The following TROAP variants were observed in gnomAD, a reference collection of about 807,000 sequenced individuals.
TROAP encodes the protein trophinin associated protein, also known as tastin.
In TROAP, 62 loss-of-function variants were observed where a neutral mutation model predicts 83.4. That is an observed-to-expected ratio of 0.74 (90% CI 0.61 to 0.92). TROAP has a LOEUF of 0.92. Among genes scored for constraint, TROAP ranks in the 40% least tolerant of loss-of-function variants. TROAP has a pLI of 0.00. For missense variants in TROAP, 876 were observed against 985.1 expected, an observed-to-expected ratio of 0.89 and a Z score of 1.48; for synonymous variants, 352 against 386.4, an observed-to-expected ratio of 0.91 and a Z score of 1.04.
At chr12:49,323,821 T>A (rs1442970941) in intron 2 of TROAP, 24 bp from the exon 3 acceptor site, 2 of 1,613,838 alleles carry the variant, frequency 1.2e-6, no homozygotes, top group Non-Finnish European at 8.5e-7. Context: ...AACCTCACCT[T>A]TTTGTCCCCG....
rs1267922246 is a variant in TROAP, at chr12:49,329,528, G to A, written c.1164+74G>A. On this transcript the variant is annotated intron_variant, in intron 11 of 14. Coordinates refer to ENST00000257909, the MANE Select transcript of TROAP (RefSeq NM_005480.4). The surrounding 1 kb of genome is among the most constrained non-coding windows in gnomAD (Gnocchi z 4.5). ...CAGCCTGGAGGCCCAGGAGTTTGAG[G>A]CACACGTGCTTTCTGGGCCAGGCAT... The A allele has an allele frequency of 6.6e-7, 1 of 1,508,890 alleles. No individual in the cohort carries two copies. Among genetic ancestry groups the A allele is most frequent in the Non-Finnish European group, 8.9e-7 (1 of 1,118,088 alleles). The allele number at this position is 1,508,890 out of a possible 1,614,324, so 93.5% of individuals were successfully genotyped here.
Position 49,325,626 on chromosome 12 carries a change from G to T in TROAP, c.463G>T (p.Gly155Ter). The T allele has an allele frequency of 6.2e-7, 1 of 1,613,730 alleles. No individual in the cohort carries two copies. The highest frequency in any genetic ancestry group is 8.5e-7 in the Non-Finnish European group (1 of 1,180,010). Residue 155 changes from glycine to a stop codon, truncating the protein, a stop_gained, in exon 4 of 15, where the codon GGA becomes TGA. Coordinates refer to ENST00000257909, the MANE Select transcript of TROAP (RefSeq NM_005480.4). LOFTEE classifies it high-confidence loss of function. ...TCTGGCTAAAAGAGTACTGGTTCGA[G>T]GAAGTCAGGGAGGCACCACCCAGAG... ...PSLAKRVLVR[G>*]SQGGTTQRVQ...
chr12:49,329,833 G>T lies in TROAP; in HGVS notation c.1165-24G>T, dbSNP rs1371329484. On this transcript the variant is annotated intron_variant, in intron 11 of 14. Transcript: ENST00000257909. The surrounding 1 kb of genome is among the most constrained non-coding windows in gnomAD (Gnocchi z 4.5). Reference sequence around the variant, plus strand: ...TCTCCTGCCCCAGCCTGGCTTGCTTGTGTGCCTTGTTCCTTGGTGACAGGA... The same window carrying T: ...TCTCCTGCCCCAGCCTGGCTTGCTTTTGTGCCTTGTTCCTTGGTGACAGGA... 6.2e-7 allele frequency: 1 copy of T among 1,611,772 alleles called. No homozygotes were observed. Among genetic ancestry groups the T allele is most frequent in the South Asian group, 1.1e-5 (1 of 90,820 alleles).
Position 49,323,951 on chromosome 12 carries a change from G to C in TROAP, c.251G>C (p.Gly84Ala). ...GCAGAGACATCACAAAGATTGGTGG[G>C]GATCAGTCAGCCTCGGAACCCCTTG... ...HQAETSQRLVGISQPRNPLEE... is the reference protein window; with the variant it reads ...HQAETSQRLVAISQPRNPLEE... The change falls in exon 3 of 15, where the codon GGG becomes GCG. Residue 84 changes from glycine (G) to alanine (A), a missense_variant. By Grantham distance (60) the Gly-to-Ala change is moderately conservative. Transcript: ENST00000257909. 1 of 1,614,170 alleles carries C rather than the reference G, an allele frequency of 6.2e-7. No homozygotes were observed.
At position 49,325,871 on chromosome 12, in the gene TROAP, G is replaced by T; in HGVS notation, c.620G>T (p.Arg207Met). Residue 207 changes from arginine (R) to methionine (M), a missense_variant, in exon 5 of 15, where the codon AGG (arginine) becomes ATG (methionine). Transcript: ENST00000257909. ...GPRGRTLCPQ[R>M]LQALISPSGP... Reference sequence around the variant, plus strand: ...CGAGGCCGGACATTGTGCCCCCAGAGGCTACAGGCTCTGGTGAGTGCCCTT... The same window carrying T: ...CGAGGCCGGACATTGTGCCCCCAGATGCTACAGGCTCTGGTGAGTGCCCTT... The T allele has an allele frequency of 6.2e-7, 1 of 1,613,356 alleles. No homozygotes were observed. The highest frequency in any genetic ancestry group is 1.1e-5 in the South Asian group (1 of 91,032).
Position 49,330,893 on chromosome 12 carries a change from G to T in TROAP, c.2048G>T (p.Ser683Ile). Reference sequence around the variant, plus strand: ...TCTTCCCAACACCCGCTTTGTGCCAGCCCCCCTATCTGCTCACTCCAGTCT... The same window carrying T: ...TCTTCCCAACACCCGCTTTGTGCCATCCCCCCTATCTGCTCACTCCAGTCT... ...IFSSQHPLCA[S>I]PPICSLQSLR... Residue 683 changes from serine (S) to isoleucine (I), a missense_variant, in exon 13 of 15, where the codon AGC (serine) becomes ATC (isoleucine). Physicochemically the swap from Ser to Ile is moderately radical, Grantham distance 142. This residue lies in a region of TROAP where 184 missense variants were observed against 238.3 expected (regional missense o/e 0.77). Coordinates refer to ENST00000257909, the MANE Select transcript of TROAP (RefSeq NM_005480.4). The T allele has an allele frequency of 6.2e-7, 1 of 1,612,730 alleles. No homozygotes were observed. Among genetic ancestry groups the T allele is most frequent in the East Asian group, 2.2e-5 (1 of 44,882 alleles).
chr12:49,324,043 T>C lies in TROAP; in HGVS notation c.337+6T>C, dbSNP rs374367629. On this transcript the variant is annotated splice_donor_region_variant and intron_variant, in intron 3 of 14. Coordinates refer to ENST00000257909, the MANE Select transcript of TROAP (RefSeq NM_005480.4). Reference sequence around the variant, plus strand: ...TGGGCCCCCTGCCCAGACAGGTACCTGTTGGAGCCATGGTAACACGGCCTC... The same window carrying C: ...TGGGCCCCCTGCCCAGACAGGTACCCGTTGGAGCCATGGTAACACGGCCTC... The C allele has an allele frequency of 1.2e-6, 2 of 1,612,202 alleles. No individual in the cohort carries two copies. The highest frequency in any genetic ancestry group is 2.7e-5 in the African/African-American group (2 of 74,772).
intron 3 of TROAP, chr12:49,324,453 C>T: frequency 2.5e-6 from 1 of 398,376 alleles, no homozygotes; most frequent in South Asian, 5.2e-5. Flanking sequence ...TGCAGCACTT[C>T]TTTTATAACA....
chr12:49,326,426 A>G (rs1252130148), intron 6 of TROAP, among the ~76,000 whole-genome samples: 24 of 152,196 alleles, frequency 1.6e-4, no homozygotes, highest in Admixed American at 1.6e-3. Flanking sequence ...TTTAGTGGCT[A>G]GAGTATAGAC....
Position 49,329,124 on chromosome 12 carries a change from G to A in TROAP, c.1021-37G>A, listed in dbSNP as rs754634179. 1 of 1,614,102 alleles carries A rather than the reference G, an allele frequency of 6.2e-7. No homozygotes were observed. Among genetic ancestry groups the A allele is most frequent in the African/African-American group, 1.3e-5 (1 of 74,998 alleles). On this transcript the variant is annotated intron_variant, in intron 9 of 14. Coordinates refer to ENST00000257909, the MANE Select transcript of TROAP (RefSeq NM_005480.4). This position sits in a 1 kb window ranked among gnomAD's most constrained non-coding sequence, Gnocchi z 4.5. Reference sequence around the variant, plus strand: ...GGCCGGAGATCCTTGCTATGTCTGGGTTTTGTCCCTGCTCAGCCACCCACA... The same window carrying A: ...GGCCGGAGATCCTTGCTATGTCTGGATTTTGTCCCTGCTCAGCCACCCACA...
At chr12:49,324,191 G>A in intron 3 of TROAP, 154 bp downstream of exon 3, 2 of 1,613,882 alleles carry the variant, frequency 1.2e-6, no homozygotes, top group Non-Finnish European at 8.5e-7. Flanking sequence ...TTTGCTCTTA[G>A]AAGATCTCCC....
chr12:49,331,320 C>G lies in TROAP; in HGVS notation c.2205C>G (p.Ala735=), dbSNP rs776981413. Residue 735 remains alanine (A), a synonymous_variant, in exon 14 of 15, where the codon GCC becomes GCG. Transcript: ENST00000257909. ...AGGCTCGTCTGGACGATGAGTGTGC[C>G]TTTTACACCAGCCGAGCCCCTCCCT... ...FHEARLDDEC[A]FYTSRAPPSG... The G allele has an allele frequency of 6.2e-7, 1 of 1,614,196 alleles. No individual in the cohort carries two copies. Among genetic ancestry groups the G allele is most frequent in the South Asian group, 1.1e-5 (1 of 91,088 alleles).
rs1411291980 is a variant in TROAP, at chr12:49,329,070, C to T, written c.1020+15C>T. Reference sequence around the variant, plus strand: ...CTCCAACTCTGGTTTGTGTCAACAACTGGGGGCTGGGCAGGGGCAGAACAG... The same window carrying T: ...CTCCAACTCTGGTTTGTGTCAACAATTGGGGGCTGGGCAGGGGCAGAACAG... On this transcript the variant is annotated intron_variant, in intron 9 of 14. Coordinates refer to ENST00000257909, the MANE Select transcript of TROAP (RefSeq NM_005480.4). The surrounding 1 kb of genome is among the most constrained non-coding windows in gnomAD (Gnocchi z 4.5). 1 of 1,612,754 alleles carries T rather than the reference C, an allele frequency of 6.2e-7. No individual in the cohort carries two copies. Among genetic ancestry groups the T allele is most frequent in the Non-Finnish European group, 8.5e-7 (1 of 1,178,930 alleles).
rs768899136 is a variant in TROAP at position 49,325,624 on chromosome 12, G to A, written c.461G>A (p.Arg154Gln). The change falls in exon 4 of 15, where the codon CGA (arginine) becomes CAA (glutamine). Residue 154 changes from arginine to glutamine, a missense_variant. Physicochemically the swap from Arg to Gln is conservative, Grantham distance 43 (BLOSUM62 1). Transcript: ENST00000257909. ...AGTCTGGCTAAAAGAGTACTGGTTC[G>A]AGGAAGTCAGGGAGGCACCACCCAG... ...QPSLAKRVLV[R>Q]GSQGGTTQRV... 29 of 1,613,680 alleles carry A rather than the reference G, an allele frequency of 1.8e-5. No homozygotes were observed. The Admixed American group carries it at 2.2e-4, about 12-fold the overall frequency.
At chr12:49,331,484 A>C (rs1472162323) in intron 14 of TROAP, 77 bp downstream of exon 14, 19 of 1,611,300 alleles carry the variant, frequency 1.2e-5, no homozygotes, top group Non-Finnish European at 1.6e-5. Flanking sequence ...ACAGGGGGCC[A>C]CCTGGGCTTC....
rs991152499 is a variant in TROAP at position 49,328,818 on chromosome 12, C to T, written c.892-109C>T. 25 of 1,415,070 alleles carry T rather than the reference C, an allele frequency of 1.8e-5. 2 individuals carry two copies. The Middle Eastern group carries it at 4.0e-3, about 225-fold the overall frequency. 87.7% of individuals were successfully genotyped at this position (1,415,070 alleles called of 1,614,324 possible). On this transcript the variant is annotated intron_variant, in intron 8 of 14. Transcript: ENST00000257909. ...TGCGGAGCTTGCAGTGAGCCAAGAT[C>T]GCGCCACTGGACTCCATCCTGGGTG...
At chr12:49,330,050 A>AG in intron 12 of TROAP, 59 bp downstream of exon 12, 1 of 1,608,078 alleles carries the variant, frequency 6.2e-7, no homozygotes, top group Non-Finnish European at 8.5e-7. Flanking sequence ...GCTGAGGAAG[A>AG]GGGAAAAGAG....
At position 49,324,024 on chromosome 12, in the gene TROAP, C is replaced by T. The variant is rs778193902; in HGVS notation, c.324C>T (p.Pro108=). The change falls in exon 3 of 15, where the codon CCC becomes CCT. Residue 108 remains proline, a synonymous_variant. Transcript: ENST00000257909. ...SPRGQNVGPG[P]PAQTEAPGTI... The stretch of plus-strand genomic sequence containing the variant: ...GGGGTCAAAATGTGGGGCCTGGGCC[C>T]CCTGCCCAGACAGGTACCTGTTGGA... The T allele has an allele frequency of 1.2e-6, 2 of 1,613,342 alleles. No individual in the cohort carries two copies. The highest frequency in any genetic ancestry group is 1.3e-5 in the African/African-American group (1 of 74,892).
chr12:49,330,308 C>A lies in TROAP; in HGVS notation c.1463C>A (p.Thr488Asn), dbSNP rs1943559280. The A allele has an allele frequency of 1.2e-6, 2 of 1,614,152 alleles. No individual in the cohort carries two copies. The highest frequency in any genetic ancestry group is 8.5e-7 in the Non-Finnish European group (1 of 1,179,994). ...AATGCCACAGAGCATAACTCTGGGA[C>A]TTCCCACCTTCCTGGACTGTTAAAA... ...TLNATEHNSG[T>N]SHLPGLLKHS... The change falls in exon 13 of 15, where the codon ACT becomes AAT. Residue 488 changes from threonine (T) to asparagine (N), a missense_variant. By Grantham distance (65) the Thr-to-Asn change is moderately conservative. Transcript: ENST00000257909.
Sources: gnomAD v4.1 joint callset for allele counts (sites outside exome capture counted in the v4.1 genomes callset) on GRCh38, gnomAD v4.1.1 for gene constraint, gnomAD v4.1.1 regional missense constraint, Gnocchi (gnomAD v3.1) non-coding constraint, MANE v1.5 for transcripts, NCBI Gene and HGNC (gene_info 2026-07-23, HGNC 2026-07-21) for gene names.